Variants in TMIE observed in about 807,000 individuals in gnomAD.
TMIE encodes the protein transmembrane inner ear expressed protein.
A neutral mutation model predicts 16.8 loss-of-function variants in TMIE; 14 were observed. That is an observed-to-expected ratio of 0.83 (90% confidence interval 0.55 to 1.30). The LOEUF (loss-of-function observed/expected upper bound fraction) is 1.30, where lower values mean the gene tolerates loss of function less well. Among genes scored for constraint, TMIE ranks in the 50% most tolerant of loss-of-function variants. The pLI, the probability that TMIE is intolerant of heterozygous loss-of-function variation, is 0.00. For missense variants in TMIE, 204 were observed against 205.9 expected (o/e 0.99, Z 0.06); for synonymous variants, 75 against 87.2 (o/e 0.86, Z 0.78).
chr3:46,708,664 A>G (rs531823177), intron 2 of TMIE, among the ~76,000 whole-genome samples: 1 of 152,332 alleles, frequency 6.6e-6, no homozygotes, highest in East Asian at 1.9e-4. Flanking sequence ...GCTGAGGAGG[A>G]CATGCAGAGC....
intron 2 of TMIE, among the ~76,000 whole-genome samples, chr3:46,706,660 A>G (rs1309988471): frequency 6.6e-6 from 1 of 152,200 alleles, no homozygotes; most frequent in Non-Finnish European, 1.5e-5. Context: ...AAGGCATCAC[A>G]GAGGAGGGTC....
At chr3:46,708,222 TA>T (rs1370722365) in intron 2 of TMIE, among the ~76,000 whole-genome samples, 2 of 152,220 alleles carry the variant, frequency 1.3e-5, no homozygotes, top group Non-Finnish European at 2.9e-5. Flanking sequence ...CTTGGTTGCA[TA>T]AAATGACCCC....
chr3:46,710,342 G>C lies in TMIE; in HGVS notation c.*654G>C, dbSNP rs1465590490. On this transcript the variant is annotated 3_prime_UTR_variant, in exon 4 of 4. Transcript: ENST00000643606. ...CCCTCATTTCACACGTTGTGATGAA[G>C]CTGAGGCTGCTGCCAGGCCCGGCAT... is the stretch of plus-strand genomic sequence containing the variant. 6.2e-6 allele frequency: 1 copy of C among 160,504 alleles called. No homozygotes were observed. Among genetic ancestry groups the C allele is most frequent in the African/African-American group, 2.4e-5 (1 of 41,554 alleles). 9.9% of individuals were successfully genotyped at this position (160,504 alleles called of 1,614,324 possible).
At chr3:46,701,354 C>G (rs1012896349), upstream of TMIE, 9 of 646,540 alleles carry the variant, frequency 1.4e-5, no homozygotes, top group Middle Eastern at 2.6e-4. This position sits in a 1 kb window ranked among gnomAD's most constrained non-coding sequence, Gnocchi z 4.3. Flanking sequence ...AACCTGACAC[C>G]GAGGATGAAT....
At chr3:46,703,123 C>T (rs1700498144) in intron 1 of TMIE, among the ~76,000 whole-genome samples, 1 of 152,174 alleles carries the variant, frequency 6.6e-6, no homozygotes, top group Non-Finnish European at 1.5e-5. Flanking sequence ...AAGACATGGG[C>T]AGGGCTGGGG....
chr3:46,694,024 T>TGCCACCACCTCGCCCC (rs1233668975), upstream of TMIE, among the ~76,000 whole-genome samples: 3 of 152,024 alleles, frequency 2.0e-5, no homozygotes, highest in Admixed American at 6.5e-5. Flanking sequence ...GAGGCCGCCG[T>TGCCACCACCTCGCCCC]GCCACCACCT....
chr3:46,707,973 G>A, intron 2 of TMIE, among the ~76,000 whole-genome samples: 1 of 152,228 alleles, frequency 6.6e-6, no homozygotes, highest in East Asian at 1.9e-4. Flanking sequence ...AAGGCCTGCT[G>A]TCTGCTCAGG....
chr3:46,695,573 G>C (rs1447878568), intron 1 of TMIE, among the ~76,000 whole-genome samples: 1 of 152,212 alleles, frequency 6.6e-6, no homozygotes, highest in Non-Finnish European at 1.5e-5. Context: ...AAGGGCTGGA[G>C]AGTGGCCATG....
At chr3:46,702,690 A>G (rs1700491645) in intron 1 of TMIE, among the ~76,000 whole-genome samples, 1 of 151,822 alleles carries the variant, frequency 6.6e-6, no homozygotes, top group Non-Finnish European at 1.5e-5. Flanking sequence ...AGCCATGGGG[A>G]AGTTGTTATG....
chr3:46,698,114 C>A (rs556611738), upstream of TMIE, among the ~76,000 whole-genome samples: 12 of 151,872 alleles, frequency 7.9e-5, no homozygotes, highest in Non-Finnish European at 1.8e-4. Context: ...AGTGCAGTGG[C>A]GCCATCTCAG....
intron 1 of TMIE, among the ~76,000 whole-genome samples, chr3:46,703,485 C>T (rs1042277083): frequency 2.6e-5 from 4 of 152,292 alleles, no homozygotes; most frequent in Non-Finnish European, 4.4e-5. Flanking sequence ...AGGGCCCTAA[C>T]CCTAATGGCA....
intron 1 of TMIE, among the ~76,000 whole-genome samples, chr3:46,704,849 C>A (rs1391449108): frequency 6.6e-6 from 1 of 151,686 alleles, no homozygotes; most frequent in East Asian, 1.9e-4. Flanking sequence ...CCTAGACACC[C>A]AGGGTGGACC....
At chr3:46,700,087 T>C (rs1247224845), upstream of TMIE, among the ~76,000 whole-genome samples, 1 of 152,206 alleles carries the variant, frequency 6.6e-6, no homozygotes, top group Non-Finnish European at 1.5e-5. Context: ...ATTGGAGTGC[T>C]GCAACAAGTG....
intron 1 of TMIE, among the ~76,000 whole-genome samples, chr3:46,695,501 C>A (rs887649418): frequency 1.3e-5 from 2 of 152,152 alleles, no homozygotes; most frequent in African/African-American, 4.8e-5. Flanking sequence ...TTTAGAGGAT[C>A]TATGGGTCCC....
At chr3:46,707,087 G>C (rs1171311006) in intron 2 of TMIE, among the ~76,000 whole-genome samples, 1 of 152,248 alleles carries the variant, frequency 6.6e-6, no homozygotes, top group Admixed American at 6.5e-5. Context: ...CCCAGCCGAG[G>C]CTGAGAACCA....
At chr3:46,699,825 A>C (rs752765776), upstream of TMIE, among the ~76,000 whole-genome samples, 1 of 152,240 alleles carries the variant, frequency 6.6e-6, no homozygotes, top group Non-Finnish European at 1.5e-5. Context: ...TGTCCTGCTA[A>C]GGAGAGCCAG....
rs1575470753 is a variant in TMIE, at chr3:46,709,746, C to G, written c.*58C>G. On this transcript the variant is annotated 3_prime_UTR_variant, in exon 4 of 4. Transcript: ENST00000643606. ...TGGAGCTCAAGCCGTGGCCGGGGTC[C>G]AGGCATGTTGGACTCTGAGCTCATT... 1 of 1,608,592 alleles carries G rather than the reference C, an allele frequency of 6.2e-7. No homozygotes were observed.
Position 46,709,885 on chromosome 3 carries a change from A to G in TMIE, c.*197A>G. The G allele has an allele frequency of 8.6e-7, 1 of 1,163,768 alleles. No individual in the cohort carries two copies. The highest frequency in any genetic ancestry group is 1.5e-5 in the South Asian group (1 of 65,494). The allele number at this position is 1,163,768 out of a possible 1,614,324, so 72.1% of individuals were successfully genotyped here. ...TCGTAGGTGTCCTGCCCCCCAGCCT[A>G]GGCTTGGCTCCTTTCACCCCATCCA... On this transcript the variant is annotated 3_prime_UTR_variant, in exon 4 of 4. Coordinates refer to ENST00000643606, the MANE Select transcript of TMIE (RefSeq NM_147196.3).
upstream of TMIE, among the ~76,000 whole-genome samples, chr3:46,701,101 A>G (rs1483021278): frequency 6.6e-6 from 1 of 151,108 alleles, no homozygotes; most frequent in Non-Finnish European, 1.5e-5. This position sits in a 1 kb window ranked among gnomAD's most constrained non-coding sequence, Gnocchi z 4.3. Context: ...GGCCTCCTAG[A>G]TCAGCAGATT....
Sources: allele counts gnomAD v4.1 joint callset (sites outside exome capture counted in the v4.1 genomes callset), GRCh38; gene constraint gnomAD v4.1.1; non-coding constraint Gnocchi (gnomAD v3.1); transcripts MANE v1.5; gene names NCBI Gene and HGNC (gene_info 2026-07-23, HGNC 2026-07-21).